Variants in RPGRIP1L observed in about 807,000 individuals in gnomAD.
The protein encoded by RPGRIP1L is RPGRIP1 like, also known as protein fantom.
A neutral mutation model predicts 160.4 loss-of-function variants in RPGRIP1L; 131 were observed. That is an observed-to-expected ratio of 0.82 (90% confidence interval 0.71 to 0.94). RPGRIP1L has a LOEUF of 0.94. Among genes scored for constraint, RPGRIP1L ranks in the 40% least tolerant of loss-of-function variants. The probability of loss-of-function intolerance (pLI) is 0.00; values close to 1 mark genes in which losing one functional copy is unlikely to be tolerated. For missense variants in RPGRIP1L, 1,522 were observed against 1,535.8 expected (o/e 0.99, Z 0.15); for synonymous variants, 510 against 515.8 (o/e 0.99, Z 0.15).
intron 22 of RPGRIP1L, chr16:53,628,523 C>A (rs1965317502): frequency 6.6e-6 from 1 of 152,162 alleles, no homozygotes; most frequent in Non-Finnish European, 1.5e-5. Flanking sequence ...CAAATCCACT[C>A]CTCATACAAG....
At chr16:53,621,793 T>C (rs950012815) in intron 23 of RPGRIP1L, among the ~76,000 whole-genome samples, 9 of 150,708 alleles carry the variant, frequency 6.0e-5, no homozygotes, top group African/African-American at 1.2e-4. Flanking sequence ...GAGGCTGAGG[T>C]GGGCGGATCA....
At chr16:53,696,884 T>C (rs1469068538) in intron 2 of RPGRIP1L, among the ~76,000 whole-genome samples, 3 of 152,206 alleles carry the variant, frequency 2.0e-5, no homozygotes, top group African/African-American at 7.2e-5. Context: ...GATTTCTTTT[T>C]ACAGACGCTT....
intron 1 of RPGRIP1L, 41 bp from the exon 2 acceptor site, chr16:53,700,771 A>G: frequency 6.8e-7 from 1 of 1,469,028 alleles, no homozygotes; most frequent in Non-Finnish European, 9.5e-7. Context: ...TTTCCAAATT[A>G]TTACATTAAC....
chr16:53,611,819 C>T (rs759761013), intron 24 of RPGRIP1L, among the ~76,000 whole-genome samples: 4 of 152,200 alleles, frequency 2.6e-5, no homozygotes, highest in Non-Finnish European at 5.9e-5. Flanking sequence ...CTCAGTTCGG[C>T]AGACTTTCAG....
Position 53,601,996 on chromosome 16 carries a change from A to C in RPGRIP1L, c.*80T>G. On this transcript the variant is annotated 3_prime_UTR_variant, in exon 27 of 27. Coordinates refer to ENST00000647211, the MANE Select transcript of RPGRIP1L (RefSeq NM_015272.5). Reference sequence around the variant, plus strand: ...ATGAATTATAGATTATATACACCAGAGTAATTACAAAAATCTCATGTAGGA... The same window carrying C: ...ATGAATTATAGATTATATACACCAGCGTAATTACAAAAATCTCATGTAGGA... 1.2e-6 allele frequency: 1 copy of C among 822,620 alleles called. No individual in the cohort carries two copies. Among genetic ancestry groups the C allele is most frequent in the Admixed American group, 1.9e-5 (1 of 51,578 alleles). 51.0% of individuals were successfully genotyped at this position (822,620 alleles called of 1,614,324 possible).
chr16:53,640,247 G>A (rs905588491), intron 19 of RPGRIP1L, among the ~76,000 whole-genome samples: 1 of 152,126 alleles, frequency 6.6e-6, no homozygotes, highest in Admixed American at 6.6e-5. Context: ...TTTTGGAAGA[G>A]GGTTGGTATA....
intron 23 of RPGRIP1L, among the ~76,000 whole-genome samples, chr16:53,621,430 ATTTTT>A (rs10710732): frequency 7.4e-6 from 1 of 135,068 alleles, no homozygotes; most frequent in Non-Finnish European, 1.6e-5. Context: ...TTTCTGGTCA[ATTTTT>A]TTTTTTTTTT....
chr16:53,619,245 TAAAATAATTGAACA>T, intron 23 of RPGRIP1L, 37 bp from the exon 24 acceptor site: 1 of 1,577,824 alleles, frequency 6.3e-7, no homozygotes, highest in Non-Finnish European at 8.7e-7. Flanking sequence ...AACAAAGAAA[TAAAATAATTGAACA>T]AAAAGATCCA....
At chr16:53,604,006 A>G (rs1027153194) in intron 26 of RPGRIP1L, among the ~76,000 whole-genome samples, 1 of 152,214 alleles carries the variant, frequency 6.6e-6, no homozygotes, top group Non-Finnish European at 1.5e-5. Context: ...GTTGCTAAAC[A>G]GCCATTTGGA....
intron 22 of RPGRIP1L, among the ~76,000 whole-genome samples, chr16:53,622,799 CCACACACACACACACACA>C (rs201959082): frequency 7.4e-5 from 10 of 135,810 alleles, no homozygotes; most frequent in African/African-American, 1.2e-4. Context: ...AAAACAAAAA[CCACACACACACACACACA>C]CACACACACA....
intron 24 of RPGRIP1L, among the ~76,000 whole-genome samples, chr16:53,611,581 G>A (rs1384051102): frequency 6.6e-6 from 1 of 152,236 alleles, no homozygotes; most frequent in African/African-American, 2.4e-5. Flanking sequence ...GAAACGTGCA[G>A]GGAGAGAAAG....
chr16:53,701,843 A>G (rs1472107024), intron 1 of RPGRIP1L: 1 of 152,120 alleles, frequency 6.6e-6, no homozygotes, highest in South Asian at 2.1e-4. Flanking sequence ...TATATATGCA[A>G]TATCTTTTAA....
rs1436927417 is a variant in RPGRIP1L, at chr16:53,703,784, C to A, written c.-8+19G>T. On this transcript the variant is annotated intron_variant, in intron 1 of 26. Coordinates refer to ENST00000647211, the MANE Select transcript of RPGRIP1L (RefSeq NM_015272.5). ...ACCTCCACCCACCCTCATCCTCCCC[C>A]ATCCTCCCGGGTACTCACCGTGCCA... 1.4e-5 allele frequency: 5 copies of A among 350,986 alleles called. No homozygotes were observed. In the East Asian group the frequency reaches 2.0e-4, roughly 14 times the overall value. 21.7% of individuals were successfully genotyped at this position (350,986 alleles called of 1,614,324 possible). A position where few individuals can be genotyped will look rare whatever the true frequency, so the allele number is the denominator to read the frequency against.
intron 22 of RPGRIP1L, among the ~76,000 whole-genome samples, chr16:53,627,600 G>A (rs1965263904): frequency 6.6e-6 from 1 of 152,100 alleles, no homozygotes; most frequent in Non-Finnish European, 1.5e-5. Flanking sequence ...GAAGTTGGTT[G>A]TATCATTCCC....
At chr16:53,605,391 C>T in intron 26 of RPGRIP1L, 90 bp downstream of exon 26, 1 of 1,467,616 alleles carries the variant, frequency 6.8e-7, no homozygotes, top group Non-Finnish European at 9.5e-7. Flanking sequence ...GACTCAGCAC[C>T]CTTGGAGCCA....
At chr16:53,610,092 G>C (rs1423750366) in intron 25 of RPGRIP1L, among the ~76,000 whole-genome samples, 1 of 151,960 alleles carries the variant, frequency 6.6e-6, no homozygotes, top group Non-Finnish European at 1.5e-5. Flanking sequence ...ACAGAAAAGG[G>C]GTACTCAAGC....
chr16:53,622,338 C>A lies in RPGRIP1L; in HGVS notation c.3313G>T (p.Gly1105Trp). The A allele has an allele frequency of 3.3e-6, 2 of 614,722 alleles. No homozygotes were observed. The highest frequency in any genetic ancestry group is 1.8e-5 in the South Asian group (1 of 54,216). 38.1% of individuals were successfully genotyped at this position (614,722 alleles called of 1,614,324 possible). ...GAGATCGCGCTACTGCACCCCAGCC[C>A]GGGAGACAATGCGAGACTCTGTCTC... ...NIKQSLALSP[G>W]LGCSSAISAH... is the part of the protein sequence containing the mutation. The change falls in exon 23 of 27, where the codon GGG (glycine) becomes TGG (tryptophan). Residue 1105 changes from glycine to tryptophan, a missense_variant. Gly to Trp is a radical substitution (Grantham distance 184, BLOSUM62 -2). Transcript: ENST00000647211.
At chr16:53,630,721 A>G (rs1017279931) in intron 22 of RPGRIP1L, among the ~76,000 whole-genome samples, 1 of 152,078 alleles carries the variant, frequency 6.6e-6, no homozygotes, top group African/African-American at 2.4e-5. Flanking sequence ...AGTTTGACAT[A>G]AAATATATTT....
chr16:53,700,065 C>T lies in RPGRIP1L; in HGVS notation c.85+574G>A, dbSNP rs78170041. On this transcript the variant is annotated intron_variant, in intron 2 of 26. Transcript: ENST00000647211. ...GACAGCATAGCTGACACAATGGACA[C>T]ACAAAGATAAACACAGCTCTCTGTT... Among the ~76,000 whole-genome samples the T allele has an allele frequency of 1.8e-4, 27 of 152,270 alleles. 1 individual carries two copies. In the East Asian group the frequency reaches 5.0e-3, roughly 28 times the overall value.
Sources: gnomAD v4.1 joint callset for allele counts (sites outside exome capture counted in the v4.1 genomes callset) on GRCh38, gnomAD v4.1.1 for gene constraint, MANE v1.5 for transcripts, NCBI Gene and HGNC (gene_info 2026-07-23, HGNC 2026-07-21) for gene names.